ZNF608: variants seen among roughly 807,000 people sequenced by gnomAD.
The protein encoded by ZNF608 is zinc finger protein 608.
Under a neutral mutation model 109.0 loss-of-function variants are expected in ZNF608, and 12 were observed. The ratio of observed to expected loss-of-function variants is 0.11; its 90% CI spans 0.07 to 0.18. The LOEUF (loss-of-function observed/expected upper bound fraction) is 0.18, where lower values mean the gene tolerates loss of function less well. Ranked by LOEUF, ZNF608 falls within the 10% of genes least tolerant of loss-of-function variation. The pLI, the probability that ZNF608 is intolerant of heterozygous loss-of-function variation, is 1.00. For synonymous variants in ZNF608, 732 were observed against 717.4 expected, an observed-to-expected ratio of 1.02 and a Z score of -0.33; for missense variants, 1,707 against 1,879.3, an observed-to-expected ratio of 0.91 and a Z score of 1.70.
chr5:124,651,013 T>C (rs1190171045), intron 3 of ZNF608, among the ~76,000 whole-genome samples: 1 of 152,246 alleles, frequency 6.6e-6, no homozygotes, highest in African/African-American at 2.4e-5. Flanking sequence ...AAGGAGATTT[T>C]AAAATTGTTT....
At chr5:124,693,129 C>T (rs185727337) in intron 3 of ZNF608, among the ~76,000 whole-genome samples, 1 of 152,136 alleles carries the variant, frequency 6.6e-6, no homozygotes, top group Admixed American at 6.5e-5. Context: ...GAATTATACA[C>T]CTTAAGTGCG....
chr5:124,697,907 T>C (rs1482697755), intron 3 of ZNF608, among the ~76,000 whole-genome samples: 1 of 152,146 alleles, frequency 6.6e-6, no homozygotes, highest in Non-Finnish European at 1.5e-5. Context: ...TATATGACCT[T>C]CACAGACATA....
intron 2 of ZNF608, among the ~76,000 whole-genome samples, chr5:124,711,934 G>A (rs1753507415): frequency 6.6e-6 from 1 of 152,162 alleles, no homozygotes; most frequent in Non-Finnish European, 1.5e-5. Context: ...AAGCACACTG[G>A]AAGCCATGGG....
At chr5:124,659,893 T>C (rs1297288098) in intron 3 of ZNF608, among the ~76,000 whole-genome samples, 2 of 152,196 alleles carry the variant, frequency 1.3e-5, no homozygotes. Flanking sequence ...CTATAAATTA[T>C]GATGCTTTAT....
Position 124,637,406 on chromosome 5 carries a change from C to T in ZNF608, c.*494G>A, listed in dbSNP as rs1020116115. Reference sequence around the variant, plus strand: ...AGACATCTAAATTGTACCAAAGTGTCATCATCACAGTTAGCCTTTCTGAGG... The same window carrying T: ...AGACATCTAAATTGTACCAAAGTGTTATCATCACAGTTAGCCTTTCTGAGG... On this transcript the variant is annotated 3_prime_UTR_variant, in exon 10 of 10. Coordinates refer to ENST00000513986, the MANE Select transcript of ZNF608 (RefSeq NM_020747.3). The T allele has an allele frequency of 6.6e-6, 1 of 152,538 alleles. No individual in the cohort carries two copies. Among genetic ancestry groups the T allele is most frequent in the African/African-American group, 2.4e-5 (1 of 41,436 alleles). The allele number at this position is 152,538 out of a possible 1,614,324, so 9.4% of individuals were successfully genotyped here.
chr5:124,644,696 A>G, intron 5 of ZNF608, 35 bp from the exon 6 acceptor site: 4 of 1,506,890 alleles, frequency 2.7e-6, no homozygotes, highest in Non-Finnish European at 3.5e-6. Context: ...AAAACCCAAC[A>G]GATTTGTTTT....
At chr5:124,729,101 C>T (rs534193150) in intron 2 of ZNF608, among the ~76,000 whole-genome samples, 4 of 152,270 alleles carry the variant, frequency 2.6e-5, no homozygotes, top group East Asian at 1.9e-4. Context: ...GTCCCTGAGT[C>T]GCTTTAAAAG....
chr5:124,661,931 A>G (rs7732074), intron 3 of ZNF608, among the ~76,000 whole-genome samples: 22,280 of 152,156 alleles, frequency 0.15, 3,068 homozygotes, highest in African/African-American at 0.37. Flanking sequence ...TTAGTATCAT[A>G]GTATCATGAA....
chr5:124,729,102 G>A (rs141176555), intron 2 of ZNF608, among the ~76,000 whole-genome samples: 2 of 152,282 alleles, frequency 1.3e-5, no homozygotes, highest in African/African-American at 2.4e-5. Context: ...TCCCTGAGTC[G>A]CTTTAAAAGC....
chr5:124,682,368 C>T (rs1461164222), intron 3 of ZNF608, among the ~76,000 whole-genome samples: 8 of 152,182 alleles, frequency 5.3e-5, no homozygotes, highest in African/African-American at 1.4e-4. Flanking sequence ...CCACTGTGCC[C>T]GGCCTACCAT....
chr5:124,697,038 C>T (rs1214477379), intron 3 of ZNF608, among the ~76,000 whole-genome samples: 4 of 152,050 alleles, frequency 2.6e-5, no homozygotes, highest in Non-Finnish European at 5.9e-5. Context: ...GATTCAAAGG[C>T]ACAGCACCGA....
rs1216863365 is a variant in ZNF608, at chr5:124,647,125, G to A, written c.3259C>T (p.Leu1087Phe). Residue 1087 changes from leucine (L) to phenylalanine (F), a missense_variant, in exon 5 of 10, where the codon CTC (leucine) becomes TTC (phenylalanine). Around this residue, in one of 7 missense-constraint regions of ZNF608, gnomAD observed 1,073 missense variants for 1,133.5 expected, o/e 0.95. Transcript: ENST00000513986. ...ATCAGAGACTTCTGGTCCATATAGAGCCCATATGCATACTGGCCATAATAA... is the reference window on the plus strand; with the variant it reads ...ATCAGAGACTTCTGGTCCATATAGAACCCATATGCATACTGGCCATAATAA... The part of the protein sequence containing the change: ...SLYYGQYAYG[L>F]YMDQKSLMAT... 2 of 1,614,022 alleles carry A rather than the reference G, an allele frequency of 1.2e-6. No homozygotes were observed. Among genetic ancestry groups the A allele is most frequent in the Non-Finnish European group, 1.7e-6 (2 of 1,180,050 alleles).
intron 2 of ZNF608, among the ~76,000 whole-genome samples, chr5:124,705,950 G>A (rs960505798): frequency 7.9e-5 from 12 of 152,156 alleles, no homozygotes; most frequent in African/African-American, 1.4e-4. Context: ...GCCAGGCACC[G>A]TGCAACCTGC....
chr5:124,722,576 TACACACACACACACACACACACACACAC>T (rs10556672), intron 2 of ZNF608, among the ~76,000 whole-genome samples: 40 of 145,082 alleles, frequency 2.8e-4, no homozygotes, highest in African/African-American at 9.3e-4. Flanking sequence ...ACCCTTAAAA[TACACACACACACACACACACACACACAC>T]ACACACACAC....
chr5:124,737,588 G>C (rs1442454152), intron 2 of ZNF608, among the ~76,000 whole-genome samples: 4 of 152,146 alleles, frequency 2.6e-5, no homozygotes, highest in Non-Finnish European at 5.9e-5. Context: ...GGATCCCTGT[G>C]GTTCAAGGCC....
intron 2 of ZNF608, among the ~76,000 whole-genome samples, chr5:124,731,341 G>T (rs1748887819): frequency 6.6e-6 from 1 of 152,126 alleles, no homozygotes; most frequent in Admixed American, 6.5e-5. Context: ...TTCCTGAGTA[G>T]CTGGGGTTAT....
chr5:124,670,634 C>G (rs1156742228), intron 3 of ZNF608, among the ~76,000 whole-genome samples: 1 of 152,076 alleles, frequency 6.6e-6, no homozygotes, highest in Admixed American at 6.6e-5. Context: ...ATCAGTTAAC[C>G]AGTACACTTT....
At chr5:124,726,621 A>G (rs191995844) in intron 2 of ZNF608, among the ~76,000 whole-genome samples, 7 of 150,534 alleles carry the variant, frequency 4.7e-5, no homozygotes, top group Admixed American at 1.3e-4. Flanking sequence ...TTGCCTCTCT[A>G]CAGTCAATTC....
chr5:124,695,954 C>G (rs965266622), intron 3 of ZNF608, among the ~76,000 whole-genome samples: 2 of 152,080 alleles, frequency 1.3e-5, no homozygotes, highest in African/African-American at 4.8e-5. Flanking sequence ...GAGGCCAAGG[C>G]GGGTGGATCA....
Sources: allele counts gnomAD v4.1 joint callset (sites outside exome capture counted in the v4.1 genomes callset), GRCh38; gene constraint gnomAD v4.1.1; regional missense constraint gnomAD v4.1.1; transcripts MANE v1.5; gene names NCBI Gene and HGNC (gene_info 2026-07-23, HGNC 2026-07-21).